Variants in GLRA3 observed in about 807,000 individuals in gnomAD.
GLRA3 encodes glycine receptor alpha 3.
In GLRA3, 44 loss-of-function variants were observed where a neutral mutation model predicts 60.4. The observed-to-expected ratio is 0.73, with a 90% CI of 0.57 to 0.94. GLRA3 has a LOEUF of 0.94. Ranked by LOEUF, GLRA3 falls within the 40% of genes least tolerant of loss-of-function variation. The pLI is 0.00. For synonymous variants in GLRA3, 223 were observed against 192.9 expected (o/e 1.16, Z -1.29); for missense variants, 508 against 564.6 (o/e 0.90, Z 1.02).
chr4:174,742,435 A>G lies in GLRA3; in HGVS notation c.268-13737T>C, dbSNP rs192504380. ...CAAGAGCAAGCAATTTAGTCTTAAT[A>G]TAAGTAATAAGAAAGAGAAACTCCA... On this transcript the variant is annotated intron_variant, in intron 3 of 9. Coordinates refer to ENST00000274093, the MANE Select transcript of GLRA3 (RefSeq NM_006529.4). Among the ~76,000 whole-genome samples the G allele has an allele frequency of 2.2e-4, 33 of 152,290 alleles. No individual in the cohort carries two copies. In the East Asian group the frequency reaches 4.4e-3, roughly 20 times the overall value.
At chr4:174,755,133 T>G (rs1737641918) in intron 3 of GLRA3, among the ~76,000 whole-genome samples, 1 of 152,120 alleles carries the variant, frequency 6.6e-6, no homozygotes, top group South Asian at 2.1e-4. Flanking sequence ...TGCAAAGCAG[T>G]AAAAATAGCA....
chr4:174,665,151 T>G (rs1733611413), intron 7 of GLRA3, among the ~76,000 whole-genome samples: 1 of 152,144 alleles, frequency 6.6e-6, no homozygotes, highest in Non-Finnish European at 1.5e-5. Flanking sequence ...TTGCTTATTA[T>G]GTAGTAGCTA....
chr4:174,728,289 T>C (rs1240726274), intron 4 of GLRA3, among the ~76,000 whole-genome samples, 186 bp downstream of exon 4: 1 of 152,184 alleles, frequency 6.6e-6, no homozygotes, highest in Non-Finnish European at 1.5e-5. Context: ...ATATAGTTCC[T>C]GAATCTGGAA....
At chr4:174,704,319 G>C (rs1035772640) in intron 5 of GLRA3, among the ~76,000 whole-genome samples, 2 of 143,124 alleles carry the variant, frequency 1.4e-5, no homozygotes, top group Non-Finnish European at 3.1e-5. Flanking sequence ...GCTCTGAGTA[G>C]TAAAGAATAG....
At chr4:174,764,551 C>T (rs115218411) in intron 3 of GLRA3, among the ~76,000 whole-genome samples, 29,194 of 75,984 alleles carry the variant, frequency 0.38, 3,145 homozygotes, top group South Asian at 0.49. Flanking sequence ...CGACAGACTC[C>T]GTCTCAAAAA....
At chr4:174,688,323 A>T (rs1420518472) in intron 5 of GLRA3, among the ~76,000 whole-genome samples, 1 of 6,704 alleles carries the variant, frequency 1.5e-4, no homozygotes, top group Non-Finnish European at 2.6e-4. Context: ...GACATCATAT[A>T]TATATATATA....
At chr4:174,674,155 C>T (rs1301680274) in intron 7 of GLRA3, among the ~76,000 whole-genome samples, 1 of 152,000 alleles carries the variant, frequency 6.6e-6, no homozygotes, top group African/African-American at 2.4e-5. Flanking sequence ...GTAATTGCTC[C>T]CCTTATTAAA....
chr4:174,705,938 G>C (rs1247752743), intron 5 of GLRA3, among the ~76,000 whole-genome samples: 1 of 152,072 alleles, frequency 6.6e-6, no homozygotes, highest in Non-Finnish European at 1.5e-5. Context: ...TAATGGGATA[G>C]GAAGCAACTG....
At chr4:174,788,507 A>G (rs1039200479) in intron 2 of GLRA3, among the ~76,000 whole-genome samples, 2 of 151,752 alleles carry the variant, frequency 1.3e-5, no homozygotes, top group African/African-American at 4.8e-5. Context: ...AACTGATAGA[A>G]TAATTAAATA....
chr4:174,824,367 G>C (rs1740872451), intron 1 of GLRA3, among the ~76,000 whole-genome samples: 1 of 152,074 alleles, frequency 6.6e-6, no homozygotes, highest in African/African-American at 2.4e-5. Context: ...TAGTAATTTT[G>C]AGGTAAACAC....
intron 7 of GLRA3, among the ~76,000 whole-genome samples, chr4:174,661,836 G>GA (rs926745525): frequency 3.3e-5 from 5 of 151,992 alleles, no homozygotes; most frequent in Admixed American, 3.3e-4. Context: ...AAAAAGAATG[G>GA]AAAAAACAGA....
chr4:174,674,658 A>C (rs1036801010), intron 7 of GLRA3, among the ~76,000 whole-genome samples: 1 of 152,124 alleles, frequency 6.6e-6, no homozygotes, highest in Non-Finnish European at 1.5e-5. Context: ...AAAGATCACA[A>C]AATTATGATT....
At chr4:174,746,558 A>G (rs1737258120) in intron 3 of GLRA3, among the ~76,000 whole-genome samples, 1 of 152,160 alleles carries the variant, frequency 6.6e-6, no homozygotes, top group African/African-American at 2.4e-5. Flanking sequence ...ATACAATTAG[A>G]TAGAAGAAAT....
At chr4:174,760,646 G>A (rs1023359374) in intron 3 of GLRA3, among the ~76,000 whole-genome samples, 43 of 152,034 alleles carry the variant, frequency 2.8e-4, no homozygotes, top group African/African-American at 9.2e-4. Flanking sequence ...TCAGCCTCCC[G>A]AGTAGCCGGA....
At chr4:174,807,421 C>A (rs1740095294) in intron 1 of GLRA3, among the ~76,000 whole-genome samples, 1 of 151,862 alleles carries the variant, frequency 6.6e-6, no homozygotes, top group Non-Finnish European at 1.5e-5. Flanking sequence ...ACGAGAAATT[C>A]CTACAAGTTT....
rs939150606 is a variant in GLRA3, at chr4:174,715,758, G to C, written c.492-188C>G. On this transcript the variant is annotated intron_variant, in intron 4 of 9. Transcript: ENST00000274093. ...ATACAAATCTGGCTTTGGTGGGCTGGGGGTTGGATAATTGCATATCTTAGG... is the reference window on the plus strand; with the variant it reads ...ATACAAATCTGGCTTTGGTGGGCTGCGGGTTGGATAATTGCATATCTTAGG... Among the ~76,000 whole-genome samples the C allele has an allele frequency of 9.9e-5, 15 of 152,248 alleles. No individual in the cohort carries two copies. In the East Asian group the frequency reaches 2.7e-3, roughly 27 times the overall value.
intron 5 of GLRA3, chr4:174,712,749 AG>A (rs1735759074): frequency 6.6e-6 from 1 of 152,090 alleles, no homozygotes; most frequent in South Asian, 2.1e-4. Flanking sequence ...CCTACTTTCC[AG>A]TGGGTTCCAC....
At chr4:174,751,437 T>G (rs1249595365) in intron 3 of GLRA3, among the ~76,000 whole-genome samples, 1 of 152,152 alleles carries the variant, frequency 6.6e-6, no homozygotes, top group Non-Finnish European at 1.5e-5. Flanking sequence ...GAAACAAGTC[T>G]GAATGTATTT....
At chr4:174,773,133 G>T (rs538894165) in intron 2 of GLRA3, among the ~76,000 whole-genome samples, 4 of 152,244 alleles carry the variant, frequency 2.6e-5, no homozygotes, top group Non-Finnish European at 5.9e-5. Context: ...ACTTCTCTGT[G>T]CCAATGCAAA....
Sources: gnomAD v4.1 joint callset for allele counts (sites outside exome capture counted in the v4.1 genomes callset) on GRCh38, gnomAD v4.1.1 for gene constraint, MANE v1.5 for transcripts, NCBI Gene and HGNC (gene_info 2026-07-23, HGNC 2026-07-21) for gene names.